Variants in SEMA3D observed in about 807,000 individuals in gnomAD.
SEMA3D encodes semaphorin-3D.
SEMA3D carries 84 observed loss-of-function variants against 100.1 expected under a neutral mutation model. The observed-to-expected ratio is 0.84, with a 90% CI of 0.70 to 1.01. The LOEUF is 1.01. SEMA3D is among the 50% of genes least tolerant of loss of function. The pLI is 0.00. For synonymous variants in SEMA3D, 312 were observed against 320.7 expected (o/e 0.97, Z 0.29); for missense variants, 875 against 934.1 (o/e 0.94, Z 0.82).
intron 1 of SEMA3D, among the ~76,000 whole-genome samples, chr7:85,184,531 GAAT>G (rs1034122922): frequency 7.9e-5 from 12 of 151,452 alleles, no homozygotes; most frequent in African/African-American, 2.7e-4. Flanking sequence ...AAGAATAAGA[GAAT>G]AATGACACTT....
chr7:85,212,066 A>G, the SEMA3D span, among the ~76,000 whole-genome samples: 1 of 152,048 alleles, frequency 6.6e-6, no homozygotes, highest in Non-Finnish European at 1.5e-5. Context: ...ATGGTAAACT[A>G]TTTTTTTACT....
intron 4 of SEMA3D, among the ~76,000 whole-genome samples, chr7:85,094,833 G>A (rs1416796032): frequency 6.6e-6 from 1 of 151,936 alleles, no homozygotes; most frequent in Admixed American, 6.6e-5. Flanking sequence ...GAATCGTTAA[G>A]CTTCGGGATA....
At chr7:85,071,514 A>G (rs1359323817) in intron 6 of SEMA3D, among the ~76,000 whole-genome samples, 1 of 152,246 alleles carries the variant, frequency 6.6e-6, no homozygotes, top group Non-Finnish European at 1.5e-5. Flanking sequence ...GTTACTCACA[A>G]AAAGTACAGT....
intron 1 of SEMA3D, chr7:85,163,020 A>G: frequency 3.2e-6 from 3 of 931,560 alleles, no homozygotes; most frequent in Non-Finnish European, 3.8e-6. Context: ...AGAAGGAAAG[A>G]CAAGGATGTG....
chr7:85,161,252 A>T (rs1790737030), intron 1 of SEMA3D, among the ~76,000 whole-genome samples: 2 of 152,180 alleles, frequency 1.3e-5, no homozygotes, highest in African/African-American at 4.8e-5. Flanking sequence ...AACTAAATAA[A>T]ATCAAATAAT....
chr7:85,080,662 C>G (rs763960680), intron 5 of SEMA3D, among the ~76,000 whole-genome samples: 1 of 152,098 alleles, frequency 6.6e-6, no homozygotes, highest in Non-Finnish European at 1.5e-5. Flanking sequence ...TCCCCATTAC[C>G]ATAATGCAAG....
At chr7:85,016,482 T>A (rs1357592266) in intron 15 of SEMA3D, among the ~76,000 whole-genome samples, 1 of 151,732 alleles carries the variant, frequency 6.6e-6, no homozygotes, top group Non-Finnish European at 1.5e-5. Flanking sequence ...TTCTCTCACA[T>A]TCAGTCTGTC....
At position 85,104,705 on chromosome 7, in the gene SEMA3D, A is replaced by G. The variant is rs7784010; in HGVS notation, c.152-6740T>C. Among the ~76,000 whole-genome samples the G allele has an allele frequency of 3.2e-3, 490 of 152,040 alleles. 4 individuals are homozygous for G. Among genetic ancestry groups the G allele is most frequent in the African/African-American group, 0.011 (453 of 41,502 alleles). Reference sequence around the variant, plus strand: ...ATGAACAAGATCCTATAACCTTGAAATCTTGCATTTATTGCCAGAGATCCC... The same window carrying G: ...ATGAACAAGATCCTATAACCTTGAAGTCTTGCATTTATTGCCAGAGATCCC... On this transcript the variant is annotated intron_variant, in intron 3 of 18. Transcript: ENST00000284136.
chr7:85,112,197 C>G (rs768999034), intron 3 of SEMA3D, among the ~76,000 whole-genome samples: 1 of 152,136 alleles, frequency 6.6e-6, no homozygotes, highest in African/African-American at 2.4e-5. Context: ...ACTGACATCT[C>G]TACTTGAGAC....
intron 6 of SEMA3D, 116 bp from the exon 7 acceptor site, chr7:85,068,400 T>C (rs1352721274): frequency 3.1e-6 from 2 of 643,022 alleles, no homozygotes; most frequent in African/African-American, 1.8e-5. Flanking sequence ...ATTGAGCATA[T>C]AGCATGTGCA....
Position 85,060,623 on chromosome 7 carries a change from T to A in SEMA3D, c.719-4764A>T, listed in dbSNP as rs74736171. Among the ~76,000 whole-genome samples, 81 of 152,278 alleles carry A rather than the reference T, an allele frequency of 5.3e-4. 1 individual carries two copies. The East Asian group carries it at 0.015, about 29-fold the overall frequency. On this transcript the variant is annotated intron_variant, in intron 8 of 18. Coordinates refer to ENST00000284136, the MANE Select transcript of SEMA3D (RefSeq NM_001384900.1). ...ACCAAGAGGCACTGCCAAAAGAACA[T>A]GGCATAAACTCATGTGGCCTGCAGC...
At position 85,040,732 on chromosome 7, in the gene SEMA3D, A is replaced by G; in HGVS notation, c.987T>C (p.Tyr329=). Residue 329 remains tyrosine (Y), a synonymous_variant, in exon 11 of 19, where the codon TAT becomes TAC. Coordinates refer to ENST00000284136, the MANE Select transcript of SEMA3D (RefSeq NM_001384900.1). ...DTYFDELQDI[Y]LLPTRDERNP... is the part of the protein sequence containing the mutation. ...TTCTTTCATCTCTTGTGGGGAGTAA[A>G]TAAATATCTTCTATTAAAGGGGAAA... 7.3e-7 allele frequency: 1 copy of G among 1,375,042 alleles called. No homozygotes were observed. The highest frequency in any genetic ancestry group is 1.0e-6 in the Non-Finnish European group (1 of 965,844). 85.2% of individuals were successfully genotyped at this position (1,375,042 alleles called of 1,614,324 possible). A position where few individuals can be genotyped will look rare whatever the true frequency, so the allele number is the denominator to read the frequency against.
chr7:85,187,567 G>A (rs1251236708), upstream of SEMA3D, among the ~76,000 whole-genome samples: 1 of 152,120 alleles, frequency 6.6e-6, no homozygotes, highest in Admixed American at 6.5e-5. Context: ...CGAGTAGAAT[G>A]TAATCCTTTC....
At chr7:85,031,640 A>C (rs998869177) in intron 12 of SEMA3D, among the ~76,000 whole-genome samples, 6 of 151,920 alleles carry the variant, frequency 3.9e-5, no homozygotes, top group African/African-American at 1.4e-4. Context: ...AACAATTCAT[A>C]AACTGTGAGA....
At chr7:85,007,687 C>G (rs1192209813) in intron 17 of SEMA3D, among the ~76,000 whole-genome samples, 1 of 151,698 alleles carries the variant, frequency 6.6e-6, no homozygotes, top group Non-Finnish European at 1.5e-5. Flanking sequence ...CTTGTGTGAT[C>G]TAAGAGCTCT....
At chr7:85,206,415 G>A in the SEMA3D span, among the ~76,000 whole-genome samples, 1 of 152,046 alleles carries the variant, frequency 6.6e-6, no homozygotes, top group Non-Finnish European at 1.5e-5. Flanking sequence ...GGACAATCCT[G>A]AATCACAGTA....
chr7:85,239,653 C>G, the SEMA3D span, among the ~76,000 whole-genome samples: 5 of 152,132 alleles, frequency 3.3e-5, no homozygotes, highest in African/African-American at 4.8e-5. Flanking sequence ...GAAAATTATG[C>G]TGGAACTGTA....
chr7:85,054,940 A>G (rs554525813), intron 9 of SEMA3D, among the ~76,000 whole-genome samples: 1 of 152,230 alleles, frequency 6.6e-6, no homozygotes, highest in South Asian at 2.1e-4. Flanking sequence ...GTCAAATGAG[A>G]GCTTTGATGG....
intron 4 of SEMA3D, among the ~76,000 whole-genome samples, chr7:85,089,372 C>A (rs1788312197): frequency 6.6e-6 from 1 of 152,098 alleles, no homozygotes; most frequent in African/African-American, 2.4e-5. Context: ...CCAGAAAGGT[C>A]TTTTCTAATA....
Sources: gnomAD v4.1 joint callset for allele counts (sites outside exome capture counted in the v4.1 genomes callset) on GRCh38, gnomAD v4.1.1 for gene constraint, MANE v1.5 for transcripts, NCBI Gene and HGNC (gene_info 2026-07-23, HGNC 2026-07-21) for gene names.